KAZN: variants seen among roughly 807,000 people sequenced by gnomAD.
The protein encoded by KAZN is kazrin, periplakin interacting protein.
KAZN carries 40 observed loss-of-function variants against 87.4 expected under a neutral mutation model. That is an observed-to-expected ratio of 0.46 (90% confidence interval 0.36 to 0.60). The LOEUF (loss-of-function observed/expected upper bound fraction) is 0.60, where lower values mean the gene tolerates loss of function less well. Ranked by LOEUF, KAZN falls within the 20% of genes least tolerant of loss-of-function variation. The probability of loss-of-function intolerance (pLI) is 0.00; values close to 1 mark genes in which losing one functional copy is unlikely to be tolerated. For missense variants in KAZN, 898 were observed against 1,073.9 expected (o/e 0.84, Z 2.29); for synonymous variants, 466 against 458.3 (o/e 1.02, Z -0.22).
chr1:14,002,942 G>A (rs577824733), intron 1 of KAZN, among the ~76,000 whole-genome samples: 10 of 152,148 alleles, frequency 6.6e-5, no homozygotes, highest in African/African-American at 1.2e-4. Context: ...TAGCAAATTC[G>A]TGGAACCAAC....
chr1:14,664,329 AGGC>A (rs1639375170), intron 1 of KAZN, among the ~76,000 whole-genome samples: 1 of 152,076 alleles, frequency 6.6e-6, no homozygotes, highest in South Asian at 2.1e-4. Context: ...GCTACTCGGG[AGGC>A]TGAGGCATGA....
intron 1 of KAZN, among the ~76,000 whole-genome samples, chr1:14,822,872 C>T (rs1230676429): frequency 6.6e-6 from 1 of 152,200 alleles, no homozygotes; most frequent in Admixed American, 6.5e-5. Context: ...TCCCAGGCGT[C>T]TCTTTCTTAG....
chr1:14,100,177 C>T (rs1436827967), intron 1 of KAZN, among the ~76,000 whole-genome samples: 1 of 152,198 alleles, frequency 6.6e-6, no homozygotes, highest in African/African-American at 2.4e-5. Context: ...TTCCCTTAGA[C>T]CCTGCCTATC....
Position 15,014,995 on chromosome 1 carries a change from CAT to C in KAZN, c.419-19752_419-19751del, listed in dbSNP as rs990652746. On this transcript the variant is annotated intron_variant, in intron 2 of 14. Transcript: ENST00000376030. ...ATTGTCCCTTCTATAAAATGGGAAT[CAT>C]AGTAGTTAATAATTATAGCACCTTC... 2.3e-4 allele frequency among the ~76,000 whole-genome samples: 35 copies of C among 152,076 alleles called. 1 individual carries two copies. Among genetic ancestry groups the C allele is most frequent in the African/African-American group, 7.0e-4 (29 of 41,378 alleles).
chr1:14,180,707 TATAAC>T lies in KAZN; in HGVS notation c.249+117_249+121del, dbSNP rs1306078902. 5.3e-5 allele frequency: 39 copies of T among 737,048 alleles called. No homozygotes were observed. In the African/African-American group the frequency reaches 6.4e-4, roughly 12 times the overall value. The allele number at this position is 737,048 out of a possible 1,614,324, so 45.7% of individuals were successfully genotyped here. ...CACCTATTGAAACCTGTTTTTCTGA[TATAAC>T]AGATTGGATATGTTGAGTATTGGAT... On this transcript the variant is annotated intron_variant, in intron 2 of 16. Transcript: ENST00000636203.
chr1:15,071,312 C>T (rs1215713292), intron 8 of KAZN, among the ~76,000 whole-genome samples: 12 of 151,862 alleles, frequency 7.9e-5, no homozygotes, highest in Admixed American at 5.2e-4. Flanking sequence ...AGTGCAGTGG[C>T]GCGATCTCGG....
intron 1 of KAZN, among the ~76,000 whole-genome samples, chr1:14,047,804 G>T (rs1301705720): frequency 1.3e-5 from 2 of 151,842 alleles, no homozygotes; most frequent in East Asian, 1.9e-4. Context: ...GGAGGTGGAG[G>T]TTGCAGTGAG....
At position 14,591,919 on chromosome 1, in the gene KAZN, G is replaced by C. The variant is rs142946943; in HGVS notation, c.250-7064G>C. ...TCCTCTCCCCTGTTTTTTCCTCCTG[G>C]TATCTTTTCTTCTCCATCTTTTCAT... On this transcript the variant is annotated intron_variant, in intron 2 of 16. Coordinates refer to the KAZN transcript ENST00000636203. 4.0e-3 allele frequency among the ~76,000 whole-genome samples: 615 copies of C among 152,162 alleles called. 26 individuals carry two copies. The East Asian group carries it at 0.074, about 18-fold the overall frequency.
chr1:14,085,522 C>T (rs1643827719), intron 1 of KAZN, among the ~76,000 whole-genome samples: 1 of 152,196 alleles, frequency 6.6e-6, no homozygotes, highest in African/African-American at 2.4e-5. Flanking sequence ...AGTCACTCAG[C>T]ATGGAAACTT....
chr1:14,488,649 C>T (rs1413180071), intron 2 of KAZN, among the ~76,000 whole-genome samples: 1 of 152,184 alleles, frequency 6.6e-6, no homozygotes, highest in Non-Finnish European at 1.5e-5. Context: ...CTGCTTTTTT[C>T]ATTCACCACC....
intron 2 of KAZN, among the ~76,000 whole-genome samples, chr1:14,466,368 A>C (rs1222874994): frequency 2.0e-5 from 3 of 151,928 alleles, no homozygotes; most frequent in Non-Finnish European, 2.9e-5. Flanking sequence ...GCTGGAAGCC[A>C]TCATCCTCAG....
intron 1 of KAZN, among the ~76,000 whole-genome samples, chr1:14,089,030 G>A (rs562018951): frequency 1.3e-5 from 2 of 150,056 alleles, no homozygotes; most frequent in Non-Finnish European, 3.0e-5. Flanking sequence ...ATTTTTTAGG[G>A]CAATTTTAGG....
intron 1 of KAZN, among the ~76,000 whole-genome samples, chr1:14,693,549 G>A (rs766683976): frequency 1.6e-4 from 24 of 152,112 alleles, no homozygotes; most frequent in African/African-American, 4.6e-4. Flanking sequence ...CTGAAACGGC[G>A]GTCTAACCAC....
intron 8 of KAZN, among the ~76,000 whole-genome samples, chr1:15,082,361 G>T (rs1208068820): frequency 2.0e-5 from 3 of 152,160 alleles, no homozygotes; most frequent in South Asian, 2.1e-4. Context: ...GCACACATTT[G>T]ACCCCAGGGA....
At chr1:14,684,174 T>C (rs897768307) in intron 1 of KAZN, among the ~76,000 whole-genome samples, 1 of 152,300 alleles carries the variant, frequency 6.6e-6, no homozygotes, top group East Asian at 1.9e-4. Context: ...TGCTTTTTTG[T>C]TGAGCCTTTT....
chr1:14,181,640 T>G (rs1220759401), intron 2 of KAZN, among the ~76,000 whole-genome samples: 1 of 152,170 alleles, frequency 6.6e-6, no homozygotes, highest in Non-Finnish European at 1.5e-5. Context: ...TTCATTCCTA[T>G]TCACGGTTCT....
At chr1:14,672,087 A>G (rs1162990896) in intron 1 of KAZN, among the ~76,000 whole-genome samples, 2 of 151,594 alleles carry the variant, frequency 1.3e-5, no homozygotes, top group East Asian at 3.9e-4. Context: ...TTCTTTTGGG[A>G]GATGTGTCAT....
At chr1:14,551,871 C>CT (rs1673543967) in intron 2 of KAZN, among the ~76,000 whole-genome samples, 1 of 152,166 alleles carries the variant, frequency 6.6e-6, no homozygotes, top group South Asian at 2.1e-4. Context: ...TAGAATCCTT[C>CT]TCACCCCTCC....
intron 2 of KAZN, among the ~76,000 whole-genome samples, chr1:14,314,686 T>C (rs1655534260): frequency 6.6e-6 from 1 of 152,174 alleles, no homozygotes; most frequent in African/African-American, 2.4e-5. Flanking sequence ...ACAATTTACC[T>C]ACTGTAAAAT....
Sources: gnomAD v4.1 joint callset for allele counts (sites outside exome capture counted in the v4.1 genomes callset) on GRCh38, gnomAD v4.1.1 for gene constraint, MANE v1.5 for transcripts, NCBI Gene and HGNC (gene_info 2026-07-23, HGNC 2026-07-21) for gene names.